AKAP19: variants seen among roughly 807,000 people sequenced by gnomAD.
AKAP19 encodes the protein A-kinase anchoring protein 19.
At chr2:189,913,684 C>T in the AKAP19 span, among the ~76,000 whole-genome samples, 1 of 152,028 alleles carries the variant, frequency 6.6e-6, no homozygotes, top group Non-Finnish European at 1.5e-5. Flanking sequence ...GTAGCTTAAA[C>T]ATAGTGAATT....
At chr2:189,908,944 A>C in the AKAP19 span, among the ~76,000 whole-genome samples, 4 of 152,078 alleles carry the variant, frequency 2.6e-5, no homozygotes, top group African/African-American at 4.8e-5. Context: ...TCCATTCTTA[A>C]AAGTGAGATA....
chr2:189,963,061 T>G, the AKAP19 span, among the ~76,000 whole-genome samples: 1 of 152,180 alleles, frequency 6.6e-6, no homozygotes, highest in Non-Finnish European at 1.5e-5. Flanking sequence ...ATTTTAGCAA[T>G]GTTCATAGCA....
At chr2:190,174,177 C>T in the AKAP19 span, among the ~76,000 whole-genome samples, 1 of 152,206 alleles carries the variant, frequency 6.6e-6, no homozygotes, top group East Asian at 1.9e-4. Flanking sequence ...ATAAGACCCC[C>T]TTCCCCCACC....
At chr2:190,202,691 C>G in the AKAP19 span, 1 of 166,986 alleles carries the variant, frequency 6.0e-6, no homozygotes, top group Non-Finnish European at 1.5e-5. Context: ...GACTGACTAG[C>G]TCCTGGAAAG....
the AKAP19 span, among the ~76,000 whole-genome samples, chr2:189,968,704 G>T: frequency 3.2e-3 from 484 of 152,112 alleles, 2 homozygotes; most frequent in Non-Finnish European, 4.6e-3. Flanking sequence ...CAAATACAAA[G>T]GCCCCCTTCA....
chr2:189,998,249 A>G, the AKAP19 span, among the ~76,000 whole-genome samples: 2 of 152,176 alleles, frequency 1.3e-5, no homozygotes, highest in Non-Finnish European at 2.9e-5. Context: ...GCAAAAGTCC[A>G]TGGTGTCAGT....
At chr2:190,144,027 G>T in the AKAP19 span, among the ~76,000 whole-genome samples, 1 of 80,632 alleles carries the variant, frequency 1.2e-5, no homozygotes, top group Admixed American at 1.4e-4. Flanking sequence ...GTGGTGGGGT[G>T]GGGGGAGGGG....
At chr2:190,200,182 T>C in the AKAP19 span, 1 of 1,578,426 alleles carries the variant, frequency 6.3e-7, no homozygotes, top group African/African-American at 1.4e-5. Flanking sequence ...ACTGTGGAGG[T>C]GCTAGTTTGA....
the AKAP19 span, among the ~76,000 whole-genome samples, chr2:190,172,028 C>A: frequency 6.6e-6 from 1 of 152,294 alleles, no homozygotes; most frequent in South Asian, 2.1e-4. Flanking sequence ...CTTAACAAAT[C>A]ACCCTAGCTT....
At chr2:189,888,102 A>G in the AKAP19 span, among the ~76,000 whole-genome samples, 1 of 152,164 alleles carries the variant, frequency 6.6e-6, no homozygotes, top group South Asian at 2.1e-4. Context: ...CTTATGTTTA[A>G]GTCTTTAATC....
At chr2:190,064,749 A>G in the AKAP19 span, among the ~76,000 whole-genome samples, 1 of 152,188 alleles carries the variant, frequency 6.6e-6, no homozygotes, top group Non-Finnish European at 1.5e-5. Flanking sequence ...GCTGCCAATT[A>G]TCAGTCACAA....
At chr2:190,161,491 A>G in the AKAP19 span, among the ~76,000 whole-genome samples, 1 of 152,208 alleles carries the variant, frequency 6.6e-6, no homozygotes, top group Non-Finnish European at 1.5e-5. Context: ...GACTCTAGGT[A>G]TAACCATTCC....
At chr2:189,976,969 G>GCTGCACCCACTGTC in the AKAP19 span, among the ~76,000 whole-genome samples, 1 of 152,036 alleles carries the variant, frequency 6.6e-6, no homozygotes, top group African/African-American at 2.4e-5. Flanking sequence ...CACTCGGTGG[G>GCTGCACCCACTGTC]CTGCACCCAC....
At chr2:190,042,445 T>C in the AKAP19 span, among the ~76,000 whole-genome samples, 1 of 152,018 alleles carries the variant, frequency 6.6e-6, no homozygotes, top group Non-Finnish European at 1.5e-5. Flanking sequence ...TTTATTAATT[T>C]TTTTTTTCAA....
chr2:190,119,490 G>T, the AKAP19 span, among the ~76,000 whole-genome samples: 1 of 152,194 alleles, frequency 6.6e-6, no homozygotes, highest in Non-Finnish European at 1.5e-5. Flanking sequence ...GCACACGTGG[G>T]GATACGTGGG....
the AKAP19 span, among the ~76,000 whole-genome samples, chr2:190,139,525 A>G: frequency 2.6e-5 from 4 of 152,172 alleles, no homozygotes; most frequent in Non-Finnish European, 5.9e-5. Context: ...CAGGGCTGGG[A>G]GGCCTCAGGA....
chr2:189,927,182 C>A, the AKAP19 span, among the ~76,000 whole-genome samples: 1 of 152,132 alleles, frequency 6.6e-6, no homozygotes, highest in Non-Finnish European at 1.5e-5. Context: ...GCATGAGTTC[C>A]CATGCCCAGC....
chr2:189,925,727 G>T, the AKAP19 span, among the ~76,000 whole-genome samples: 2 of 152,126 alleles, frequency 1.3e-5, no homozygotes, highest in African/African-American at 4.8e-5. Flanking sequence ...GATGAGAAGA[G>T]ATTATGGTCT....
At chr2:190,158,728 T>A in the AKAP19 span, among the ~76,000 whole-genome samples, 1 of 152,210 alleles carries the variant, frequency 6.6e-6, no homozygotes, top group Non-Finnish European at 1.5e-5. Flanking sequence ...GGTCCCAAAG[T>A]TCTCCCTGAA....
Sources: gnomAD v4.1 joint callset for allele counts (sites outside exome capture counted in the v4.1 genomes callset) on GRCh38, gnomAD v4.1.1 for gene constraint, MANE v1.5 for transcripts, NCBI Gene and HGNC (gene_info 2026-07-23, HGNC 2026-07-21) for gene names.